The following PRRC2B variants were observed in gnomAD, a reference collection of about 807,000 sequenced individuals.
The protein encoded by PRRC2B is proline rich coiled-coil 2B.
A neutral mutation model predicts 242.3 loss-of-function variants in PRRC2B; 68 were observed. The observed-to-expected ratio is 0.28, with a 90% CI of 0.23 to 0.34. The LOEUF (loss-of-function observed/expected upper bound fraction) is 0.34, where lower values mean the gene tolerates loss of function less well. PRRC2B is among the 10% of genes least tolerant of loss of function. The probability of loss-of-function intolerance (pLI) is 1.00; values close to 1 mark genes in which losing one functional copy is unlikely to be tolerated. For synonymous variants in PRRC2B, 1,228 were observed against 1,173.6 expected (o/e 1.05, Z -0.95); for missense variants, 2,835 against 2,954.8 (o/e 0.96, Z 0.94).
At chr9:131,473,756 A>T (rs1400445364) in intron 15 of PRRC2B, 32 bp downstream of exon 15, 11 of 1,570,182 alleles carry the variant, frequency 7.0e-6, no homozygotes, top group Non-Finnish European at 9.6e-6. Flanking sequence ...CTGCCTTGCC[A>T]CTGAAGGAGG....
intron 9 of PRRC2B, among the ~76,000 whole-genome samples, chr9:131,451,601 A>G (rs73553648): frequency 0.025 from 3,735 of 151,122 alleles, 145 homozygotes; most frequent in African/African-American, 0.084. Context: ...GCCTTATTGC[A>G]CTGTGGTATA....
intron 1 of PRRC2B, among the ~76,000 whole-genome samples, chr9:131,409,596 G>GGGGCC (rs1837454085): frequency 6.6e-6 from 1 of 152,192 alleles, no homozygotes; most frequent in East Asian, 1.9e-4. Flanking sequence ...GGAGCCTGTG[G>GGGGCC]GGGCCGGGCT....
intron 9 of PRRC2B, among the ~76,000 whole-genome samples, chr9:131,448,584 G>A (rs1363453945): frequency 1.3e-5 from 1 of 79,116 alleles, no homozygotes; most frequent in East Asian, 4.3e-4. Flanking sequence ...AAGAGAAAGA[G>A]TCTGGCTGTG....
rs914447359 is a variant in PRRC2B, at chr9:131,487,687, C to G, written c.5985-169C>G. ...TTGTTTAATCCAGCAGCATCAGCGC[C>G]ATCTAGGAGCTTGTTCTCAGGCCCC... is the stretch of plus-strand genomic sequence containing the variant. On this transcript the variant is annotated intron_variant, in intron 27 of 31. Coordinates refer to ENST00000683519, the MANE Select transcript of PRRC2B (RefSeq NM_013318.4). This position sits in a 1 kb window ranked among gnomAD's most constrained non-coding sequence, Gnocchi z 5.3. Among the ~76,000 whole-genome samples the G allele has an allele frequency of 1.3e-5, 2 of 152,158 alleles. No homozygotes were observed. The highest frequency in any genetic ancestry group is 2.9e-5 in the Non-Finnish European group (2 of 68,012).
chr9:131,373,951 C>A (rs571831401), intron 1 of PRRC2B, among the ~76,000 whole-genome samples: 10 of 151,990 alleles, frequency 6.6e-5, no homozygotes, highest in Non-Finnish European at 1.5e-4. Context: ...CCCAGCTACT[C>A]CGGAGGCTAA....
At chr9:131,490,604 G>C (rs1302189728) in intron 28 of PRRC2B, 2 of 518,810 alleles carry the variant, frequency 3.9e-6, no homozygotes, top group African/African-American at 3.9e-5. Context: ...ACCCCATCCT[G>C]TTCCCCTGTC....
intron 1 of PRRC2B, among the ~76,000 whole-genome samples, chr9:131,396,325 CTTT>C (rs1165485887): frequency 2.3e-5 from 3 of 132,938 alleles, no homozygotes. Context: ...CTTTTCTTTT[CTTT>C]TTTTTTTTTT....
intron 4 of PRRC2B, 84 bp from the exon 5 acceptor site, chr9:131,438,905 C>T: frequency 1.9e-6 from 2 of 1,056,604 alleles, no homozygotes; most frequent in Non-Finnish European, 2.9e-6. Flanking sequence ...AGGTGCTGGC[C>T]TCTCAGCACC....
chr9:131,422,316 G>A (rs541025872), intron 1 of PRRC2B, among the ~76,000 whole-genome samples: 4 of 152,184 alleles, frequency 2.6e-5, no homozygotes, highest in Non-Finnish European at 5.9e-5. Flanking sequence ...GCCTCCCAAA[G>A]CACTGGGATT....
intron 1 of PRRC2B, among the ~76,000 whole-genome samples, chr9:131,414,118 A>G (rs1311250102): frequency 2.6e-5 from 4 of 152,148 alleles, no homozygotes. Context: ...TCTTCAAACA[A>G]ACTGCACATC....
In PRRC2B at chr9:131,446,497, C is replaced by T. The variant is rs368227837; in HGVS notation, c.710C>T (p.Thr237Met). ...GAGCTGGGCAGCAGGAACTCGAGTACGGGAGATGGAGCCCCCTCCTCGGCA... is the reference window on the plus strand; with the variant it reads ...GAGCTGGGCAGCAGGAACTCGAGTATGGGAGATGGAGCCCCCTCCTCGGCA... ...PTELGSRNSS[T>M]GDGAPSSACT... Residue 237 changes from threonine to methionine, a missense_variant, in exon 7 of 32, where the codon ACG becomes ATG. Thr to Met is a moderately conservative substitution (Grantham distance 81). This residue lies in a region of PRRC2B where 626 missense variants were observed against 685.5 expected (regional missense o/e 0.91). Coordinates refer to ENST00000683519, the MANE Select transcript of PRRC2B (RefSeq NM_013318.4). The surrounding 1 kb of genome is among the most constrained non-coding windows in gnomAD (Gnocchi z 4.1). 22 of 1,613,698 alleles carry T rather than the reference C, an allele frequency of 1.4e-5. No homozygotes were observed. The highest frequency in any genetic ancestry group is 1.6e-4 in the Middle Eastern group (1 of 6,084).
Position 131,494,371 on chromosome 9 carries a change from G to T in PRRC2B, c.6474-34G>T. 8.6e-7 allele frequency: 1 copy of T among 1,168,410 alleles called. No homozygotes were observed. The highest frequency in any genetic ancestry group is 1.3e-6 in the Non-Finnish European group (1 of 796,370). 72.4% of individuals were successfully genotyped at this position (1,168,410 alleles called of 1,614,324 possible). A position where few individuals can be genotyped will look rare whatever the true frequency, so the allele number is the denominator to read the frequency against. ...GACTCCATTTCTGTGGTGACACGTT[G>T]TGTATTCTCAACCCCTGCCTTTGGT... On this transcript the variant is annotated intron_variant, in intron 30 of 31. Coordinates refer to ENST00000683519, the MANE Select transcript of PRRC2B (RefSeq NM_013318.4). The surrounding 1 kb of genome is among the most constrained non-coding windows in gnomAD (Gnocchi z 4.3).
At chr9:131,465,114 C>G in intron 12 of PRRC2B, 36 bp downstream of exon 12, 1 of 1,567,158 alleles carries the variant, frequency 6.4e-7, no homozygotes, top group South Asian at 1.2e-5. Context: ...AACTGGAAAC[C>G]CTGGCCTGTT....
rs1221871779 is a variant in PRRC2B, at chr9:131,475,410, T to C, written c.3281T>C (p.Leu1094Pro). The C allele has an allele frequency of 1.3e-6, 2 of 1,578,504 alleles. No homozygotes were observed. Among genetic ancestry groups the C allele is most frequent in the East Asian group, 4.5e-5 (2 of 44,530 alleles). Residue 1094 changes from leucine (L) to proline (P), a missense_variant, in exon 16 of 32, where the codon CTG (leucine) becomes CCG (proline). Leu to Pro is a moderately conservative substitution (Grantham distance 98, BLOSUM62 -3). Transcript: ENST00000683519. ...NGSGLCGGGV[L>P]GARSIYCSSQ... The stretch of plus-strand genomic sequence containing the variant: ...AGCGGCCTCTGTGGTGGGGGGGTCC[T>C]GGGGGCCCGCAGCATCTACTGCAGC...
At chr9:131,484,893 T>TCC in intron 24 of PRRC2B, 55 bp from the exon 25 acceptor site, 2 of 1,581,204 alleles carry the variant, frequency 1.3e-6, no homozygotes, top group South Asian at 2.3e-5. Flanking sequence ...ATTGGCTCTG[T>TCC]CCACTGCCAG....
At chr9:131,495,262 T>TG (rs1020484859) in intron 31 of PRRC2B, among the ~76,000 whole-genome samples, 13 of 148,220 alleles carry the variant, frequency 8.8e-5, no homozygotes, top group East Asian at 4.0e-4. Flanking sequence ...GTGGGAATGG[T>TG]GGGGGGGTTG....
rs902995138 is a variant in PRRC2B at position 131,494,365 on chromosome 9, C to G, written c.6474-40C>G. 1 of 1,069,454 alleles carries G rather than the reference C, an allele frequency of 9.4e-7. No homozygotes were observed. Among genetic ancestry groups the G allele is most frequent in the Non-Finnish European group, 1.4e-6 (1 of 709,896 alleles). 66.2% of individuals were successfully genotyped at this position (1,069,454 alleles called of 1,614,324 possible). On this transcript the variant is annotated intron_variant, in intron 30 of 31. Coordinates refer to ENST00000683519, the MANE Select transcript of PRRC2B (RefSeq NM_013318.4). This position sits in a 1 kb window ranked among gnomAD's most constrained non-coding sequence, Gnocchi z 4.3. ...GGCTTTGACTCCATTTCTGTGGTGA[C>G]ACGTTGTGTATTCTCAACCCCTGCC...
At chr9:131,476,559 C>T (rs1282886965) in intron 16 of PRRC2B, 24 bp downstream of exon 16, 7 of 1,549,546 alleles carry the variant, frequency 4.5e-6, no homozygotes, top group Middle Eastern at 1.8e-4. Flanking sequence ...CCATCTGGGC[C>T]CTTTTTGTTG....
chr9:131,483,461 C>G lies in PRRC2B; in HGVS notation c.5460+16C>G, dbSNP rs139220950. 1 of 1,610,912 alleles carries G rather than the reference C, an allele frequency of 6.2e-7. No individual in the cohort carries two copies. The highest frequency in any genetic ancestry group is 2.2e-5 in the East Asian group (1 of 44,868). On this transcript the variant is annotated intron_variant, in intron 23 of 31. Coordinates refer to ENST00000683519, the MANE Select transcript of PRRC2B (RefSeq NM_013318.4). Reference sequence around the variant, plus strand: ...GGCCAGTAATGTAAGTCCACACTTCCACTTTTGGCTCCACTCACTGCTTGG... The same window carrying G: ...GGCCAGTAATGTAAGTCCACACTTCGACTTTTGGCTCCACTCACTGCTTGG...
Sources: gnomAD v4.1 joint callset for allele counts (sites outside exome capture counted in the v4.1 genomes callset) on GRCh38, gnomAD v4.1.1 for gene constraint, gnomAD v4.1.1 regional missense constraint, Gnocchi (gnomAD v3.1) non-coding constraint, MANE v1.5 for transcripts, NCBI Gene and HGNC (gene_info 2026-07-23, HGNC 2026-07-21) for gene names.